FAN1: variants seen among roughly 807,000 people sequenced by gnomAD.
FAN1 encodes FANCD2 and FANCI associated nuclease 1, also known as fanconi-associated nuclease 1.
Under a neutral mutation model 104.9 loss-of-function variants are expected in FAN1, and 91 were observed. The ratio of observed to expected loss-of-function variants is 0.87; its 90% CI spans 0.73 to 1.03. The LOEUF is 1.03. Ranked by LOEUF, FAN1 falls within the 50% of genes least tolerant of loss-of-function variation. FAN1 has a pLI of 0.00. For missense variants in FAN1, 1,263 were observed against 1,239.9 expected, an observed-to-expected ratio of 1.02 and a Z score of -0.28; for synonymous variants, 478 against 457.6, an observed-to-expected ratio of 1.04 and a Z score of -0.57.
At chr15:30,926,934 A>C (rs1224419512) in intron 10 of FAN1, 1 of 985,056 alleles carries the variant, frequency 1.0e-6, no homozygotes, top group East Asian at 1.1e-4. Flanking sequence ...AGCGATCTCA[A>C]CCTCTTCTGG....
chr15:30,919,913 C>A (rs2062283931), intron 6 of FAN1, among the ~76,000 whole-genome samples: 1 of 151,954 alleles, frequency 6.6e-6, no homozygotes, highest in Non-Finnish European at 1.5e-5. Context: ...CCCATGTTGT[C>A]CAGGGGTCAG....
rs114248011 is a variant in FAN1 at position 30,923,215 on chromosome 15, G to A, written c.2172+861G>A. Among the ~76,000 whole-genome samples the A allele has an allele frequency of 1.2e-3, 179 of 152,314 alleles. 1 individual carries two copies. Among genetic ancestry groups the A allele is most frequent in the African/African-American group, 4.3e-3 (177 of 41,566 alleles). ...AGTGCCTTGTTACCTCACGTATCAG[G>A]GAAAGAGCCAGTAAAGCTATTTCCT... On this transcript the variant is annotated intron_variant, in intron 8 of 14. Coordinates refer to ENST00000362065, the MANE Select transcript of FAN1 (RefSeq NM_014967.5).
At chr15:30,933,918 G>A (rs1028791337) in intron 13 of FAN1, among the ~76,000 whole-genome samples, 4 of 152,036 alleles carry the variant, frequency 2.6e-5, no homozygotes, top group African/African-American at 9.7e-5. Context: ...GCACCATCAT[G>A]CCCAGCTGAT....
At chr15:30,913,632 A>G (rs1057315513) in intron 4 of FAN1, among the ~76,000 whole-genome samples, 9 of 152,234 alleles carry the variant, frequency 5.9e-5, no homozygotes, top group African/African-American at 2.2e-4. Context: ...CGAGGAAGGA[A>G]GCACTTGTAT....
At chr15:30,925,763 T>C (rs568979520) in intron 9 of FAN1, 26 bp from the exon 10 acceptor site, 9 of 1,613,370 alleles carry the variant, frequency 5.6e-6, no homozygotes, top group Non-Finnish European at 6.8e-6. Context: ...CTGAGGCTAA[T>C]AGATGTTATT....
chr15:30,909,205 C>T (rs1566911397), intron 3 of FAN1, among the ~76,000 whole-genome samples: 1 of 152,052 alleles, frequency 6.6e-6, no homozygotes, highest in African/African-American at 2.4e-5. Context: ...ACATTTTAGA[C>T]CAAAATAAGC....
chr15:30,941,147 A>G lies in FAN1; in HGVS notation c.*4-419A>G, dbSNP rs980789604. The G allele has an allele frequency of 1.8e-5, 23 of 1,273,368 alleles. No individual in the cohort carries two copies. In the African/African-American group the frequency reaches 3.7e-4, roughly 21 times the overall value. The allele number at this position is 1,273,368 out of a possible 1,614,324, so 78.9% of individuals were successfully genotyped here. On this transcript the variant is annotated intron_variant, in intron 14 of 14. Coordinates refer to ENST00000362065, the MANE Select transcript of FAN1 (RefSeq NM_014967.5). ...TGTTGTCTGCTGCCTGGGGCTGCTA[A>G]TGTGACTGACTATCAGATAGCCTTC...
chr15:30,925,820 G>T lies in FAN1; in HGVS notation c.2369G>T (p.Arg790Leu), dbSNP rs372355885. Residue 790 changes from arginine to leucine, a missense_variant, in exon 10 of 15, where the codon CGT becomes CTT. Coordinates refer to ENST00000362065, the MANE Select transcript of FAN1 (RefSeq NM_014967.5). ...ATCACAGGCAGGCTGTGCCCACAGC[G>T]TGGGATGTGCAAGTCTGTGTTTGTG... ...VTITGRLCPQRGMCKSVFVME... is the reference protein window; with the variant it reads ...VTITGRLCPQLGMCKSVFVME... 6.2e-7 allele frequency: 1 copy of T among 1,614,190 alleles called. No individual in the cohort carries two copies. The highest frequency in any genetic ancestry group is 1.7e-5 in the Admixed American group (1 of 60,036).
chr15:30,941,005 T>C, intron 14 of FAN1: 2 of 1,160,288 alleles, frequency 1.7e-6, no homozygotes, highest in South Asian at 3.5e-5. Context: ...ATCAGGTGAG[T>C]TCAATTAGAG....
intron 13 of FAN1, among the ~76,000 whole-genome samples, chr15:30,932,353 A>G (rs1262789731): frequency 1.3e-5 from 2 of 152,128 alleles, no homozygotes; most frequent in African/African-American, 4.8e-5. Context: ...GATTTTGTAA[A>G]ATATTAAGAA....
chr15:30,930,581 T>C lies in FAN1; in HGVS notation c.2826T>C (p.Gly942=). The change falls in exon 13 of 15, where the codon GGT becomes GGC. Residue 942 remains glycine, a synonymous_variant. Coordinates refer to ENST00000362065, the MANE Select transcript of FAN1 (RefSeq NM_014967.5). ...GCCTGGGGGGCCCTGTGCTCAGTGGTGTGTGCAGGCACCTGGCTGCTGACT... is the reference window on the plus strand; with the variant it reads ...GCCTGGGGGGCCCTGTGCTCAGTGGCGTGTGCAGGCACCTGGCTGCTGACT... ...VSCLGGPVLS[G]VCRHLAADFR... 1 of 1,612,098 alleles carries C rather than the reference T, an allele frequency of 6.2e-7. No homozygotes were observed. Among genetic ancestry groups the C allele is most frequent in the African/African-American group, 1.3e-5 (1 of 74,914 alleles).
chr15:30,942,352 G>T lies in FAN1; in HGVS notation c.*790G>T. ...TTGCTTAAGGATAAGTTCTAAGACG[G>T]GCTAGAAAAAACACTAGACCTGGCC... On this transcript the variant is annotated 3_prime_UTR_variant, in exon 15 of 15. Coordinates refer to ENST00000362065, the MANE Select transcript of FAN1 (RefSeq NM_014967.5). 2.1e-6 allele frequency: 1 copy of T among 470,190 alleles called. No individual in the cohort carries two copies. Among genetic ancestry groups the T allele is most frequent in the Non-Finnish European group, 3.8e-6 (1 of 265,888 alleles). 29.1% of individuals were successfully genotyped at this position (470,190 alleles called of 1,614,324 possible). A position where few individuals can be genotyped will look rare whatever the true frequency, so the allele number is the denominator to read the frequency against.
chr15:30,910,920 T>C, intron 4 of FAN1, 105 bp downstream of exon 4: 1 of 1,421,074 alleles, frequency 7.0e-7, no homozygotes, highest in Non-Finnish European at 9.2e-7. Context: ...TTATTTCAGT[T>C]GTAGTTAGAT....
chr15:30,927,293 C>T (rs2062488689), intron 10 of FAN1: 1 of 985,390 alleles, frequency 1.0e-6, no homozygotes, highest in African/African-American at 1.7e-5. Context: ...GGACGGAACA[C>T]TGACTGGAAA....
intron 13 of FAN1, among the ~76,000 whole-genome samples, chr15:30,936,561 A>C (rs754162986): frequency 6.6e-6 from 1 of 152,222 alleles, no homozygotes; most frequent in Admixed American, 6.5e-5. Context: ...TACAGAATAG[A>C]AGAATTTCTG....
chr15:30,942,117 G>A lies in FAN1; in HGVS notation c.*555G>A. On this transcript the variant is annotated 3_prime_UTR_variant, in exon 15 of 15. Transcript: ENST00000362065. ...TTATGTTCCGGGGATTCCCTTTTTA[G>A]AAAGATTGAAGGATGCAATGGCAAA... 1 of 1,561,232 alleles carries A rather than the reference G, an allele frequency of 6.4e-7. No homozygotes were observed. Among genetic ancestry groups the A allele is most frequent in the Non-Finnish European group, 8.7e-7 (1 of 1,153,220 alleles).
intron 13 of FAN1, among the ~76,000 whole-genome samples, chr15:30,936,634 T>C (rs1215562512): frequency 6.9e-6 from 1 of 145,140 alleles, no homozygotes; most frequent in East Asian, 2.1e-4. Flanking sequence ...TCCTGATAAA[T>C]CCTACACATC....
At chr15:30,939,695 T>C in intron 14 of FAN1, 1 of 965,666 alleles carries the variant, frequency 1.0e-6, no homozygotes, top group Non-Finnish European at 1.2e-6. Context: ...GAGGGAAAAA[T>C]GCTCAATCCA....
intron 13 of FAN1, among the ~76,000 whole-genome samples, chr15:30,933,925 TG>T (rs1291794661): frequency 1.3e-5 from 2 of 152,114 alleles, no homozygotes; most frequent in African/African-American, 4.8e-5. Context: ...CATGCCCAGC[TG>T]ATTTTTTTTA....
Sources: allele counts gnomAD v4.1 joint callset (sites outside exome capture counted in the v4.1 genomes callset), GRCh38; gene constraint gnomAD v4.1.1; transcripts MANE v1.5; gene names NCBI Gene and HGNC (gene_info 2026-07-23, HGNC 2026-07-21).